Variants in CUX1 observed in about 807,000 individuals in gnomAD.
CUX1 encodes the protein protein CASP.
Under a neutral mutation model 158.8 loss-of-function variants are expected in CUX1, and 31 were observed. The ratio of observed to expected loss-of-function variants is 0.20; its 90% CI spans 0.15 to 0.26. The LOEUF is 0.26. Ranked by LOEUF, CUX1 falls within the 10% of genes least tolerant of loss-of-function variation. The probability of loss-of-function intolerance (pLI) is 1.00; values close to 1 mark genes in which losing one functional copy is unlikely to be tolerated. For missense variants in CUX1, 1,589 were observed against 2,014.6 expected (o/e 0.79, Z 4.04); for synonymous variants, 879 against 862.1 (o/e 1.02, Z -0.34).
intron 20 of CUX1, 26 bp downstream of exon 20, chr7:102,205,196 T>A: frequency 6.4e-7 from 1 of 1,554,376 alleles, no homozygotes; most frequent in East Asian, 2.2e-5. Flanking sequence ...CTGTTGCTTT[T>A]GCATGAAATG....
chr7:101,928,619 C>T (rs2129110458), intron 2 of CUX1, among the ~76,000 whole-genome samples: 1 of 150,708 alleles, frequency 6.6e-6, no homozygotes, highest in South Asian at 2.1e-4. Flanking sequence ...CCGCCTCGGC[C>T]TCCCAAAGTG....
intron 3 of CUX1, among the ~76,000 whole-genome samples, chr7:102,038,405 C>CATTGTACTCTGACA (rs1348652821): frequency 6.6e-6 from 1 of 152,148 alleles, no homozygotes; most frequent in African/African-American, 2.4e-5. Flanking sequence ...GAGTACAAGT[C>CATTGTACTCTGACA]ATGAGCATAA....
intron 1 of CUX1, among the ~76,000 whole-genome samples, chr7:101,874,691 C>T (rs546040006): frequency 6.6e-6 from 1 of 152,328 alleles, no homozygotes; most frequent in African/African-American, 2.4e-5. Flanking sequence ...GTTTCTGTCC[C>T]TCCAGCCTGG....
chr7:101,859,066 G>A (rs538735134), intron 1 of CUX1, among the ~76,000 whole-genome samples: 97 of 152,234 alleles, frequency 6.4e-4, no homozygotes, highest in African/African-American at 1.9e-3. Context: ...AAAATGGACC[G>A]GCAACCAGAG....
At chr7:101,917,781 C>T (rs369223624) in intron 2 of CUX1, among the ~76,000 whole-genome samples, 2 of 152,200 alleles carry the variant, frequency 1.3e-5, no homozygotes, top group East Asian at 1.9e-4. Context: ...GGTCACCCAC[C>T]GTTCTGTATT....
chr7:101,844,041 A>T (rs1048453189), intron 1 of CUX1, among the ~76,000 whole-genome samples: 3 of 152,178 alleles, frequency 2.0e-5, no homozygotes, highest in African/African-American at 7.2e-5. Context: ...TGACCCAACT[A>T]GTCTGAGTTC....
intron 2 of CUX1, among the ~76,000 whole-genome samples, chr7:101,928,906 G>A (rs1350862702): frequency 2.6e-5 from 4 of 151,310 alleles, no homozygotes; most frequent in Admixed American, 1.3e-4. Context: ...TCCTGACCTC[G>A]TGATCCACCC....
chr7:101,870,863 A>G (rs1012874549), intron 1 of CUX1, among the ~76,000 whole-genome samples: 3 of 152,358 alleles, frequency 2.0e-5, no homozygotes, highest in African/African-American at 4.8e-5. Context: ...TAATTTTAGA[A>G]TAGATGCTTA....
intron 1 of CUX1, among the ~76,000 whole-genome samples, chr7:101,864,115 G>A (rs2131384127): frequency 6.6e-6 from 1 of 151,958 alleles, no homozygotes; most frequent in African/African-American, 2.4e-5. Context: ...TGGTGCACAA[G>A]GGTTCCAATT....
intron 12 of CUX1, 77 bp downstream of exon 12, chr7:102,189,948 G>T: frequency 6.5e-7 from 1 of 1,527,410 alleles, no homozygotes; most frequent in Non-Finnish European, 9.0e-7. Flanking sequence ...CAGGCTGGTG[G>T]CAGGAAGCCT....
At chr7:101,907,797 A>G (rs1278688186) in intron 1 of CUX1, among the ~76,000 whole-genome samples, 1 of 152,210 alleles carries the variant, frequency 6.6e-6, no homozygotes, top group Non-Finnish European at 1.5e-5. Context: ...AGGTCTCATT[A>G]CTGGAGGGGA....
In CUX1 at chr7:102,250,955, G is replaced by T. The variant is rs908464602; in HGVS notation, c.*1913G>T. 1 of 965,408 alleles carries T rather than the reference G, an allele frequency of 1.0e-6. No individual in the cohort carries two copies. The highest frequency in any genetic ancestry group is 1.2e-6 in the Non-Finnish European group (1 of 812,164). 59.8% of individuals were successfully genotyped at this position (965,408 alleles called of 1,614,324 possible). A position where few individuals can be genotyped will look rare whatever the true frequency, so the allele number is the denominator to read the frequency against. ...CCATATCTTTAAACTAACAATAGAT[G>T]ATTTCGGTATATATATATATTTTTT... On this transcript the variant is annotated 3_prime_UTR_variant, in exon 24 of 24. Transcript: ENST00000292535.
At chr7:102,280,685 G>T (rs949133382) in intron 19 of CUX1, 20 of 973,964 alleles carry the variant, frequency 2.1e-5, no homozygotes, top group Non-Finnish European at 2.8e-5. Context: ...GCAGCCCCCT[G>T]GGGGTCTGCA....
At chr7:102,112,843 G>C (rs1418058412) in intron 7 of CUX1, among the ~76,000 whole-genome samples, 1 of 152,064 alleles carries the variant, frequency 6.6e-6, no homozygotes, top group Non-Finnish European at 1.5e-5. Context: ...TTTTATTTCT[G>C]AAAGAGAAGC....
chr7:101,990,395 G>T (rs1202598743), intron 2 of CUX1, among the ~76,000 whole-genome samples: 1 of 149,026 alleles, frequency 6.7e-6, no homozygotes, highest in Non-Finnish European at 1.5e-5. Flanking sequence ...TGTTTGTTTT[G>T]TTTTTTTGAG....
At chr7:101,870,153 GT>G (rs1223133668) in intron 1 of CUX1, among the ~76,000 whole-genome samples, 25 of 104,062 alleles carry the variant, frequency 2.4e-4, no homozygotes, top group Non-Finnish European at 3.3e-4. Flanking sequence ...TGTTTTTTTT[GT>G]TTTTTTTTTT....
In CUX1 at chr7:102,118,757, GTTGTT is replaced by G. The variant is rs1390776182; in HGVS notation, c.674+3493_674+3497del. On this transcript the variant is annotated intron_variant, in intron 8 of 23. Coordinates refer to ENST00000292535, the MANE Select transcript of CUX1 (RefSeq NM_181552.4). Reference sequence around the variant, plus strand: ...GGTGGTTTTTGTTGTTGTTGTTGTTGTTGTTTTGTTTTGAGATGGAATCTTGCTCT... The same window carrying G: ...GGTGGTTTTTGTTGTTGTTGTTGTTGTTGTTTTGAGATGGAATCTTGCTCT... Among the ~76,000 whole-genome samples the G allele has an allele frequency of 3.2e-4, 49 of 152,114 alleles. 1 individual carries two copies. Among genetic ancestry groups the G allele is most frequent in the African/African-American group, 1.0e-3 (43 of 41,494 alleles).
intron 3 of CUX1, among the ~76,000 whole-genome samples, chr7:102,036,982 C>T (rs528138263): frequency 3.3e-5 from 5 of 152,264 alleles, no homozygotes; most frequent in African/African-American, 9.6e-5. Context: ...CTTGAGCCCT[C>T]GTGTTAGAGA....
chr7:102,242,096 T>TC (rs1468884858), intron 23 of CUX1, among the ~76,000 whole-genome samples: 1 of 152,100 alleles, frequency 6.6e-6, no homozygotes, highest in African/African-American at 2.4e-5. Context: ...GAAGGAAACT[T>TC]CAACAGTAAT....
Sources: allele counts gnomAD v4.1 joint callset (sites outside exome capture counted in the v4.1 genomes callset), GRCh38; gene constraint gnomAD v4.1.1; transcripts MANE v1.5; gene names NCBI Gene and HGNC (gene_info 2026-07-23, HGNC 2026-07-21).